Variants in TRIM9 observed in about 807,000 individuals in gnomAD.
TRIM9 encodes the protein E3 ubiquitin-protein ligase TRIM9.
Under a neutral mutation model 78.3 loss-of-function variants are expected in TRIM9, and 26 were observed. That is an observed-to-expected ratio of 0.33 (90% CI 0.24 to 0.46). The LOEUF is 0.46. Ranked by LOEUF, TRIM9 falls within the 20% of genes least tolerant of loss-of-function variation. TRIM9 has a pLI of 1.00. For missense variants in TRIM9, 787 were observed against 1,036.4 expected (o/e 0.76, Z 3.30); for synonymous variants, 398 against 416.5 (o/e 0.96, Z 0.54).
chr14:51,072,726 G>GA (rs1470197363), intron 1 of TRIM9, among the ~76,000 whole-genome samples: 1 of 151,182 alleles, frequency 6.6e-6, no homozygotes, highest in African/African-American at 2.4e-5. Context: ...GTTCTCTTTT[G>GA]AAAATCTATT....
chr14:51,018,408 T>G (rs964781666), intron 3 of TRIM9, among the ~76,000 whole-genome samples: 2 of 152,032 alleles, frequency 1.3e-5, no homozygotes, highest in Admixed American at 1.3e-4. Flanking sequence ...ATCAAAGGAT[T>G]ATTTGCCTGT....
chr14:51,016,510 A>G (rs1050925579), intron 3 of TRIM9, among the ~76,000 whole-genome samples: 1 of 139,052 alleles, frequency 7.2e-6, no homozygotes, highest in Non-Finnish European at 1.5e-5. Flanking sequence ...TAATAATATT[A>G]ATAATAACAT....
chr14:51,039,966 G>C (rs2059453426), intron 1 of TRIM9, among the ~76,000 whole-genome samples: 1 of 151,928 alleles, frequency 6.6e-6, no homozygotes, highest in Non-Finnish European at 1.5e-5. Flanking sequence ...AGTATTTTTA[G>C]TAAACACGGG....
intron 1 of TRIM9, among the ~76,000 whole-genome samples, chr14:51,061,278 T>C (rs2061333794): frequency 6.6e-6 from 1 of 152,086 alleles, no homozygotes; most frequent in Non-Finnish European, 1.5e-5. Flanking sequence ...CTGGGCGTGG[T>C]GGTGGGCACC....
chr14:50,981,944 T>G lies in TRIM9; in HGVS notation c.2018A>C (p.Tyr673Ser). The change falls in exon 11 of 13, where the codon TAT becomes TCT. Residue 673 changes from tyrosine to serine, a missense_variant. Coordinates refer to ENST00000684578, the MANE Select transcript of TRIM9 (RefSeq NM_001387360.1). ...IHYWELTVDR[Y>S]DNHPDPAFGV... The stretch of plus-strand genomic sequence containing the variant: ...AAAGGCAGGATCAGGGTGGTTGTCA[T>G]AGCGATCTACCGTGAGCTCCCAGTA... 1.2e-6 allele frequency: 2 copies of G among 1,614,160 alleles called. No homozygotes were observed. Among genetic ancestry groups the G allele is most frequent in the Non-Finnish European group, 1.7e-6 (2 of 1,180,038 alleles).
At chr14:51,057,421 C>T (rs1422383253) in intron 1 of TRIM9, among the ~76,000 whole-genome samples, 1 of 152,124 alleles carries the variant, frequency 6.6e-6, no homozygotes, top group Non-Finnish European at 1.5e-5. Flanking sequence ...ATTATGTCCT[C>T]TTGTATATAA....
chr14:51,014,218 C>T (rs1312024451), intron 3 of TRIM9, among the ~76,000 whole-genome samples: 1 of 152,102 alleles, frequency 6.6e-6, no homozygotes, highest in African/African-American at 2.4e-5. Flanking sequence ...TATAAATTTC[C>T]TTATCAAGCA....
At chr14:51,084,861 T>C (rs1020048549) in intron 1 of TRIM9, among the ~76,000 whole-genome samples, 5 of 152,198 alleles carry the variant, frequency 3.3e-5, no homozygotes, top group Non-Finnish European at 7.3e-5. Context: ...GATTATGTCA[T>C]AGAGTAATTT....
chr14:51,077,249 G>A (rs1250552462), intron 1 of TRIM9, among the ~76,000 whole-genome samples: 1 of 152,126 alleles, frequency 6.6e-6, no homozygotes, highest in Non-Finnish European at 1.5e-5. Flanking sequence ...GGAGCTGGGA[G>A]GATGCAGCCT....
rs765465611 is a variant in TRIM9, at chr14:51,000,741, G to A, written c.1406C>T (p.Thr469Met). The change falls in exon 6 of 13, where the codon ACG becomes ATG. Residue 469 changes from threonine (T) to methionine (M), a missense_variant. Physicochemically the swap from Thr to Met is moderately conservative, Grantham distance 81. Transcript: ENST00000684578. ...CAGAATGTATCCATCGGCGGGCACC[G>A]TGGACAGAGGTGGCTGTTTCCAGGA... ...TLSWKQPPLS[T>M]VPADGYILEL... 19 of 1,614,014 alleles carry A rather than the reference G, an allele frequency of 1.2e-5. No individual in the cohort carries two copies. Among genetic ancestry groups the A allele is most frequent in the Admixed American group, 3.3e-5 (2 of 60,008 alleles).
chr14:50,983,511 A>G, intron 8 of TRIM9, 90 bp from the exon 9 acceptor site: 1 of 977,148 alleles, frequency 1.0e-6, no homozygotes, highest in Non-Finnish European at 1.5e-6. Context: ...CCAGTTGAAT[A>G]TAGATACCAG....
At chr14:51,083,737 C>A (rs555078522) in intron 1 of TRIM9, among the ~76,000 whole-genome samples, 1 of 152,302 alleles carries the variant, frequency 6.6e-6, no homozygotes, top group Admixed American at 6.5e-5. Context: ...AGTGGAGATG[C>A]CAGCGAGCTT....
intron 1 of TRIM9, among the ~76,000 whole-genome samples, chr14:51,033,471 ACTGAGGGT>A (rs2058901453): frequency 6.6e-6 from 1 of 152,242 alleles, no homozygotes; most frequent in South Asian, 2.1e-4. Flanking sequence ...CCATGTCTTG[ACTGAGGGT>A]TTGGTCAATT....
rs563008693 is a variant in TRIM9, at chr14:51,005,316, T to A, written c.1306+3764A>T. 7.9e-5 allele frequency among the ~76,000 whole-genome samples: 12 copies of A among 152,236 alleles called. No homozygotes were observed. The South Asian group carries it at 2.5e-3, about 32-fold the overall frequency. On this transcript the variant is annotated intron_variant, in intron 5 of 12. Coordinates refer to ENST00000684578, the MANE Select transcript of TRIM9 (RefSeq NM_001387360.1). ...GGCTCTTATATTCAACTTGAGTCAA[T>A]AAAAATAAATACACCCTTAGGTGAG...
chr14:50,994,851 A>C (rs1327770198), intron 7 of TRIM9, among the ~76,000 whole-genome samples: 1 of 152,218 alleles, frequency 6.6e-6, no homozygotes, highest in Non-Finnish European at 1.5e-5. Context: ...AATTTCATTA[A>C]AATTCTTAAT....
chr14:50,983,276 A>T, intron 9 of TRIM9, 104 bp downstream of exon 9: 2 of 971,410 alleles, frequency 2.1e-6, no homozygotes, highest in Non-Finnish European at 3.0e-6. Context: ...AATGACAATT[A>T]GACAATTTTA....
intron 3 of TRIM9, among the ~76,000 whole-genome samples, chr14:51,018,232 T>C (rs2057402562): frequency 6.6e-6 from 1 of 152,078 alleles, no homozygotes; most frequent in Admixed American, 6.5e-5. Flanking sequence ...AGTCAAATAG[T>C]ATCTAATTAT....
chr14:51,021,321 T>C (rs537279789), intron 3 of TRIM9, among the ~76,000 whole-genome samples: 2 of 152,280 alleles, frequency 1.3e-5, no homozygotes, highest in Non-Finnish European at 2.9e-5. Context: ...GGAATGTAAA[T>C]GGTCATTAAC....
chr14:51,095,086 C>A lies in TRIM9; in HGVS notation c.-147G>T. The stretch of plus-strand genomic sequence containing the variant: ...CCCGCGCAGCACTGGCACGGACACC[C>A]AGAGAGGCGCTAGCTCTGTGAGCCG... On this transcript the variant is annotated 5_prime_UTR_variant, in exon 1 of 13. Coordinates refer to ENST00000684578, the MANE Select transcript of TRIM9 (RefSeq NM_001387360.1). 1 of 528,668 alleles carries A rather than the reference C, an allele frequency of 1.9e-6. No homozygotes were observed. Among genetic ancestry groups the A allele is most frequent in the Non-Finnish European group, 3.0e-6 (1 of 336,104 alleles). 32.7% of individuals were successfully genotyped at this position (528,668 alleles called of 1,614,324 possible).
Sources: allele counts gnomAD v4.1 joint callset (sites outside exome capture counted in the v4.1 genomes callset), GRCh38; gene constraint gnomAD v4.1.1; transcripts MANE v1.5; gene names NCBI Gene and HGNC (gene_info 2026-07-23, HGNC 2026-07-21).